UCHL5: variants seen among roughly 807,000 people sequenced by gnomAD.
The protein encoded by UCHL5 is ubiquitin C-terminal hydrolase L5.
UCHL5 carries 34 observed loss-of-function variants against 53.8 expected under a neutral mutation model. That is an observed-to-expected ratio of 0.63 (90% confidence interval 0.48 to 0.84). The LOEUF (loss-of-function observed/expected upper bound fraction) is 0.84, where lower values mean the gene tolerates loss of function less well. Among genes scored for constraint, UCHL5 ranks in the 40% least tolerant of loss-of-function variants. UCHL5 has a pLI of 0.00. For missense variants in UCHL5, 290 were observed against 385.6 expected (o/e 0.75, Z 2.08); for synonymous variants, 111 against 126.3 (o/e 0.88, Z 0.81).
upstream of UCHL5, chr1:193,059,604 G>A (rs1363677814): frequency 6.9e-7 from 1 of 1,444,388 alleles, no homozygotes; most frequent in South Asian, 1.1e-5. The surrounding 1 kb of genome is among the most constrained non-coding windows in gnomAD (Gnocchi z 4.9). Context: ...CAAAAGAAGA[G>A]GGGCAGGACT....
At chr1:193,020,044 A>C (rs1656370140) in intron 10 of UCHL5, 1 of 984,828 alleles carries the variant, frequency 1.0e-6, no homozygotes, top group Non-Finnish European at 1.2e-6. Flanking sequence ...AAACTTTAAA[A>C]ACAGTTTCCC....
intron 9 of UCHL5, among the ~76,000 whole-genome samples, chr1:193,022,015 A>G (rs1271599621): frequency 6.6e-6 from 1 of 152,226 alleles, no homozygotes; most frequent in African/African-American, 2.4e-5. Flanking sequence ...TAATAAACAC[A>G]TAAGTATATA....
At chr1:193,056,491 G>A (rs945283418) in intron 1 of UCHL5, among the ~76,000 whole-genome samples, 3 of 152,018 alleles carry the variant, frequency 2.0e-5, no homozygotes, top group Admixed American at 6.5e-5. Context: ...CTCTATCTTG[G>A]CTGTAACCAA....
At chr1:193,058,254 C>T (rs751843507) in intron 1 of UCHL5, among the ~76,000 whole-genome samples, 8 of 151,954 alleles carry the variant, frequency 5.3e-5, no homozygotes, top group Non-Finnish European at 1.0e-4. Flanking sequence ...TTTCCCAATC[C>T]TTACCACTGT....
At chr1:193,031,169 T>G (rs577749792) in intron 3 of UCHL5, among the ~76,000 whole-genome samples, 3 of 152,308 alleles carry the variant, frequency 2.0e-5, no homozygotes, top group Admixed American at 1.3e-4. Flanking sequence ...ACTAAAACAC[T>G]GTAACACTTA....
chr1:193,018,125 TTAAC>T (rs532752570), intron 10 of UCHL5, among the ~76,000 whole-genome samples: 2 of 151,600 alleles, frequency 1.3e-5, no homozygotes, highest in Non-Finnish European at 3.0e-5. Flanking sequence ...GTGATTAGCC[TTAAC>T]TATTCTTCTA....
chr1:193,058,229 AC>A lies in UCHL5; in HGVS notation c.76+955del, dbSNP rs779637495. ...GCGACAGAGCGAGACTCTGTCTCAA[AC>A]AAAAAAAAGAAAATTTCCCAATCCT... On this transcript the variant is annotated intron_variant, in intron 1 of 10. Transcript: ENST00000367454. Among the ~76,000 whole-genome samples the A allele has an allele frequency of 2.2e-4, 34 of 152,258 alleles. No individual in the cohort carries two copies. The East Asian group carries it at 6.4e-3, about 29-fold the overall frequency.
rs538328233 is a variant in UCHL5 at position 193,016,304 on chromosome 1, T to C, written c.*47A>G. The C allele has an allele frequency of 6.9e-6, 11 of 1,592,996 alleles. No individual in the cohort carries two copies. The African/African-American group carries it at 1.4e-4, about 20-fold the overall frequency. On this transcript the variant is annotated 3_prime_UTR_variant, in exon 11 of 11. Coordinates refer to ENST00000367454, the MANE Select transcript of UCHL5 (RefSeq NM_001199261.3). ...AGTTCTTTATACATAATGGTTTCCA[T>C]GAAAATATGTGCAGAAGCAGAAATG...
intron 9 of UCHL5, among the ~76,000 whole-genome samples, chr1:193,022,263 G>T (rs1326511563): frequency 1.3e-5 from 2 of 152,050 alleles, no homozygotes; most frequent in African/African-American, 4.8e-5. Context: ...CAAAGTATCT[G>T]TTGTCTGTTA....
chr1:193,033,896 C>T (rs1003638022), intron 3 of UCHL5, among the ~76,000 whole-genome samples: 1 of 152,030 alleles, frequency 6.6e-6, no homozygotes, highest in Non-Finnish European at 1.5e-5. Flanking sequence ...ACAGTGTGAA[C>T]AAAAGAACAA....
intron 6 of UCHL5, among the ~76,000 whole-genome samples, 171 bp downstream of exon 6, chr1:193,029,008 T>G (rs1423003061): frequency 3.3e-5 from 5 of 152,206 alleles, no homozygotes. Flanking sequence ...GTAGTCAAGA[T>G]GTCCTTCCTA....
chr1:193,027,837 G>A (rs1322233888), intron 7 of UCHL5: 1 of 1,265,694 alleles, frequency 7.9e-7, no homozygotes, highest in East Asian at 3.1e-5. Context: ...AAAAGTAGAT[G>A]TTTGGCTGGG....
intron 10 of UCHL5, chr1:193,019,810 A>G: frequency 1.1e-6 from 1 of 921,452 alleles, no homozygotes; most frequent in Non-Finnish European, 1.3e-6. Flanking sequence ...TTCTGTTCAC[A>G]GATCAATTTT....
chr1:193,044,946 C>G (rs1666889877), intron 3 of UCHL5, among the ~76,000 whole-genome samples: 1 of 152,088 alleles, frequency 6.6e-6, no homozygotes, highest in African/African-American at 2.4e-5. Context: ...CTGAGACTTT[C>G]ATAAACACAA....
At position 193,028,164 on chromosome 1, in the gene UCHL5, A is replaced by G. The variant is rs1484351432; in HGVS notation, c.566-16T>C. On this transcript the variant is annotated splice_polypyrimidine_tract_variant and intron_variant, in intron 6 of 10. Coordinates refer to ENST00000367454, the MANE Select transcript of UCHL5 (RefSeq NM_001199261.3). ...TTGCATGCACCTAGAAAGAAATTTTAAAACAGTTAACACAAATAAAAATAA... is the reference window on the plus strand; with the variant it reads ...TTGCATGCACCTAGAAAGAAATTTTGAAACAGTTAACACAAATAAAAATAA... 1 of 1,579,090 alleles carries G rather than the reference A, an allele frequency of 6.3e-7. No individual in the cohort carries two copies.
chr1:193,030,921 C>T (rs1661139661), intron 3 of UCHL5, among the ~76,000 whole-genome samples: 2 of 152,102 alleles, frequency 1.3e-5, no homozygotes, highest in Admixed American at 1.3e-4. Flanking sequence ...AGAATAGTCT[C>T]GTACTCCTAA....
rs750768618 is a variant in UCHL5 at position 193,023,970 on chromosome 1, A to G, written c.630-24T>C. 19 of 1,470,104 alleles carry G rather than the reference A, an allele frequency of 1.3e-5. No homozygotes were observed. The East Asian group carries it at 3.7e-4, about 29-fold the overall frequency. 91.1% of individuals were successfully genotyped at this position (1,470,104 alleles called of 1,614,324 possible). A position where few individuals can be genotyped will look rare whatever the true frequency, so the allele number is the denominator to read the frequency against. ...ACCTAGAAGAAAATTATTTAAGTTT[A>G]TAATGTAATAAAGAATTGTACAACT... On this transcript the variant is annotated intron_variant, in intron 7 of 10. Transcript: ENST00000367454.
chr1:193,044,812 T>C lies in UCHL5; in HGVS notation c.246+4934A>G, dbSNP rs187549950. On this transcript the variant is annotated intron_variant, in intron 3 of 10. Transcript: ENST00000367454. ...AATATATATTATAACTCTCCTAGCA[T>C]AGGCTTATAGGAGGCATATACTAAA... Among the ~76,000 whole-genome samples, 193 of 152,290 alleles carry C rather than the reference T, an allele frequency of 1.3e-3. 1 individual carries two copies. Among genetic ancestry groups the C allele is most frequent in the African/African-American group, 4.5e-3 (186 of 41,548 alleles).
At chr1:193,048,445 A>G (rs570012200) in intron 3 of UCHL5, among the ~76,000 whole-genome samples, 2 of 152,360 alleles carry the variant, frequency 1.3e-5, no homozygotes, top group East Asian at 3.9e-4. Context: ...GTACAATGTT[A>G]CAAAATCATA....
Sources: gnomAD v4.1 joint callset for allele counts (sites outside exome capture counted in the v4.1 genomes callset) on GRCh38, gnomAD v4.1.1 for gene constraint, Gnocchi (gnomAD v3.1) non-coding constraint, MANE v1.5 for transcripts, NCBI Gene and HGNC (gene_info 2026-07-23, HGNC 2026-07-21) for gene names.